Variants in NEDD4 observed in about 807,000 individuals in gnomAD.
NEDD4 encodes the protein E3 ubiquitin-protein ligase NEDD4.
In NEDD4, 99 loss-of-function variants were observed where a neutral mutation model predicts 144.9. The observed-to-expected ratio is 0.68, with a 90% confidence interval of 0.58 to 0.81. The LOEUF is 0.81. NEDD4 is among the 30% of genes least tolerant of loss of function. The pLI is 0.00. For synonymous variants in NEDD4, 318 were observed against 350.6 expected (o/e 0.91, Z 1.04); for missense variants, 985 against 1,065.9 (o/e 0.92, Z 1.06).
In NEDD4 at chr15:55,829,993, AT is replaced by A. The variant is rs753152833; in HGVS notation, c.2606del (p.Asn869IlefsTer48). The A allele has an allele frequency of 6.2e-7, 1 of 1,610,660 alleles. No individual in the cohort carries two copies. Among genetic ancestry groups the A allele is most frequent in the Non-Finnish European group, 8.5e-7 (1 of 1,178,294 alleles). Reference sequence around the variant, plus strand: ...ATTCATAAGGTGGCAAGTCCAGGCGATTAAAACTGAAAGAACAGAGAGGAAG... The same window carrying A: ...ATTCATAAGGTGGCAAGTCCAGGCGATAAAACTGAAAGAACAGAGAGGAAG... ...EKLPRAHTCF[N>X]RLDLPPYESF... On this transcript the variant is annotated frameshift_variant, in exon 29 of 29. Coordinates refer to ENST00000435532, the MANE Select transcript of NEDD4 (RefSeq NM_006154.4). LOFTEE classifies it high-confidence loss of function.
intron 27 of NEDD4, among the ~76,000 whole-genome samples, chr15:55,830,892 G>C (rs1206787460): frequency 3.9e-5 from 6 of 152,096 alleles, no homozygotes; most frequent in Admixed American, 3.9e-4. Flanking sequence ...ATTTTGTAGA[G>C]ATGGGGGTCT....
At chr15:55,885,883 C>T (rs899070932) in intron 5 of NEDD4, among the ~76,000 whole-genome samples, 1 of 151,428 alleles carries the variant, frequency 6.6e-6, no homozygotes, top group African/African-American at 2.4e-5. Context: ...ACTAAACGCT[C>T]CAATCAAAAG....
intron 5 of NEDD4, among the ~76,000 whole-genome samples, chr15:55,881,143 C>CTT (rs67958165): frequency 2.2e-5 from 3 of 137,890 alleles, no homozygotes; most frequent in Non-Finnish European, 1.6e-5. Flanking sequence ...CTTTTCTTTT[C>CTT]TTTTTTTTTT....
chr15:55,846,724 G>A (rs2033762053), intron 18 of NEDD4, among the ~76,000 whole-genome samples: 1 of 152,056 alleles, frequency 6.6e-6, no homozygotes, highest in Non-Finnish European at 1.5e-5. Context: ...TAGAGCTCTG[G>A]AAAGCAAACT....
intron 5 of NEDD4, among the ~76,000 whole-genome samples, chr15:55,886,339 A>C (rs980190457): frequency 2.0e-5 from 3 of 152,230 alleles, no homozygotes; most frequent in Non-Finnish European, 2.9e-5. Context: ...TGCACTACAG[A>C]CCAAATGGAC....
At chr15:55,986,138 A>T (rs565060595) in intron 1 of NEDD4, among the ~76,000 whole-genome samples, 2 of 152,372 alleles carry the variant, frequency 1.3e-5, no homozygotes, top group South Asian at 4.1e-4. Context: ...GCTGATATAA[A>T]TAAATGACAG....
At chr15:55,970,834 G>A (rs1251342903) in intron 1 of NEDD4, among the ~76,000 whole-genome samples, 10 of 152,212 alleles carry the variant, frequency 6.6e-5, no homozygotes, top group African/African-American at 2.4e-4. Flanking sequence ...AACCAGCCCA[G>A]ACTGTGAAGA....
At chr15:55,953,409 C>A (rs1344610884) in intron 2 of NEDD4, among the ~76,000 whole-genome samples, 1 of 151,902 alleles carries the variant, frequency 6.6e-6, no homozygotes, top group Non-Finnish European at 1.5e-5. Flanking sequence ...CAGCACCTGG[C>A]TCCAGAGGCC....
At chr15:55,938,782 A>T (rs2036940266) in intron 4 of NEDD4, among the ~76,000 whole-genome samples, 1 of 152,062 alleles carries the variant, frequency 6.6e-6, no homozygotes, top group Non-Finnish European at 1.5e-5. Context: ...GTAAAAAAAA[A>T]ACAAGCATCA....
chr15:55,840,358 T>C (rs1304070299), intron 21 of NEDD4, 89 bp downstream of exon 21: 4 of 1,115,588 alleles, frequency 3.6e-6, no homozygotes, highest in Non-Finnish European at 5.1e-6. Flanking sequence ...AATATATTAA[T>C]TTCCATGTCA....
intron 21 of NEDD4, among the ~76,000 whole-genome samples, chr15:55,840,230 A>G (rs897071306): frequency 2.0e-5 from 3 of 151,616 alleles, no homozygotes; most frequent in Non-Finnish European, 4.4e-5. Flanking sequence ...AAAAAAAGCA[A>G]TTGTGAGTAG....
At chr15:55,880,804 G>A (rs1291157276) in intron 5 of NEDD4, among the ~76,000 whole-genome samples, 1 of 152,152 alleles carries the variant, frequency 6.6e-6, no homozygotes, top group African/African-American at 2.4e-5. Flanking sequence ...TAATCATATC[G>A]ACTAGTAGGG....
intron 1 of NEDD4, among the ~76,000 whole-genome samples, chr15:55,971,887 A>C (rs1279527173): frequency 6.6e-6 from 1 of 152,176 alleles, no homozygotes; most frequent in Non-Finnish European, 1.5e-5. Flanking sequence ...ACAAAACAAA[A>C]CAAAACAAAA....
At position 55,943,780 on chromosome 15, in the gene NEDD4, T is replaced by C. The variant is rs116795225; in HGVS notation, c.237+7596A>G. 4.5e-4 allele frequency among the ~76,000 whole-genome samples: 68 copies of C among 152,326 alleles called. 1 individual carries two copies. The highest frequency in any genetic ancestry group is 1.5e-3 in the African/African-American group (63 of 41,578). The stretch of plus-strand genomic sequence containing the variant: ...CACTGCCTAGTGGAGCTGTGAGAAG[T>C]AGGCCACTATCGTCCAGACCCCAGA... On this transcript the variant is annotated intron_variant, in intron 4 of 28. Transcript: ENST00000435532.
rs2141985852 is a variant in NEDD4, at chr15:55,841,969, A to T, written c.1803T>A (p.Phe601Leu). 6.2e-7 allele frequency: 1 copy of T among 1,614,108 alleles called. No individual in the cohort carries two copies. The highest frequency in any genetic ancestry group is 2.2e-5 in the East Asian group (1 of 44,882). ...ATTCAAACAACCCATAATAAGGGTT[A>T]AACATTTCCTTTGAGATCAGGAAGA... ...EWFFLISKEMFNPYYGLFEYS... is the reference protein window; with the variant it reads ...EWFFLISKEMLNPYYGLFEYS... The change falls in exon 19 of 29, where the codon TTT (phenylalanine) becomes TTA (leucine). Residue 601 changes from phenylalanine to leucine, a missense_variant. Physicochemically the swap from Phe to Leu is conservative, Grantham distance 22 (BLOSUM62 0). Transcript: ENST00000435532.
At chr15:55,878,891 C>T (rs1446385263) in intron 5 of NEDD4, among the ~76,000 whole-genome samples, 4 of 152,244 alleles carry the variant, frequency 2.6e-5, no homozygotes, top group Admixed American at 1.3e-4. Context: ...GGCGCGATCT[C>T]GACTCACTGC....
At chr15:55,992,612 G>C (rs1481529506) in intron 1 of NEDD4, among the ~76,000 whole-genome samples, 2 of 152,136 alleles carry the variant, frequency 1.3e-5, no homozygotes, top group Admixed American at 6.5e-5. Flanking sequence ...TAGACTACAT[G>C]CAGCCTTTTC....
At chr15:55,882,003 C>A (rs1320644085) in intron 5 of NEDD4, among the ~76,000 whole-genome samples, 7 of 152,140 alleles carry the variant, frequency 4.6e-5, no homozygotes, top group Admixed American at 3.9e-4. Context: ...CAAGATCATT[C>A]CTCATTAAGA....
chr15:55,919,791 T>A (rs1224149741), intron 5 of NEDD4, among the ~76,000 whole-genome samples: 5 of 152,168 alleles, frequency 3.3e-5, no homozygotes, highest in African/African-American at 1.2e-4. Context: ...TGGAAAATAA[T>A]GTGATTATCT....
Sources: allele counts gnomAD v4.1 joint callset (sites outside exome capture counted in the v4.1 genomes callset), GRCh38; gene constraint gnomAD v4.1.1; transcripts MANE v1.5; gene names NCBI Gene and HGNC (gene_info 2026-07-23, HGNC 2026-07-21).